The following ZBTB44 variants were observed in gnomAD, a reference collection of about 807,000 sequenced individuals.
ZBTB44 encodes zinc finger and BTB domain-containing protein 44.
A neutral mutation model predicts 54.0 loss-of-function variants in ZBTB44; 15 were observed. The ratio of observed to expected loss-of-function variants is 0.28; its 90% CI spans 0.19 to 0.43. The LOEUF (loss-of-function observed/expected upper bound fraction) is 0.43. Ranked by LOEUF, ZBTB44 falls within the 20% of genes least tolerant of loss-of-function variation. The pLI, the probability that ZBTB44 is intolerant of heterozygous loss-of-function variation, is 1.00. For missense variants in ZBTB44, 487 were observed against 707.1 expected (o/e 0.69, Z 3.53); for synonymous variants, 230 against 250.1 (o/e 0.92, Z 0.76).
chr11:130,263,301 T>C (rs982089736), intron 1 of ZBTB44, among the ~76,000 whole-genome samples: 2 of 152,208 alleles, frequency 1.3e-5, no homozygotes, highest in Non-Finnish European at 2.9e-5. Context: ...AGCCAGGGAC[T>C]GGTCTACGCA....
intron 1 of ZBTB44, among the ~76,000 whole-genome samples, chr11:130,277,411 A>C (rs1940184472): frequency 6.6e-6 from 1 of 152,190 alleles, no homozygotes; most frequent in African/African-American, 2.4e-5. Flanking sequence ...TTATAGTAGC[A>C]TTGTTACAGA....
intron 1 of ZBTB44, among the ~76,000 whole-genome samples, chr11:130,308,912 GGAA>G (rs1367969911): frequency 1.3e-5 from 2 of 152,160 alleles, no homozygotes; most frequent in Non-Finnish European, 2.9e-5. Context: ...CAGGCGGGTG[GGAA>G]AAGGGTACAG....
At chr11:130,269,562 G>A (rs1411257521) in intron 1 of ZBTB44, among the ~76,000 whole-genome samples, 1 of 152,182 alleles carries the variant, frequency 6.6e-6, no homozygotes, top group African/African-American at 2.4e-5. Flanking sequence ...TCTTGTGAAA[G>A]TGGTATGTTG....
chr11:130,283,132 T>C (rs1378130732), intron 1 of ZBTB44, among the ~76,000 whole-genome samples: 4 of 140,142 alleles, frequency 2.9e-5, no homozygotes, highest in Non-Finnish European at 4.6e-5. Context: ...GCAACCTCCA[T>C]CTCCCAGGTT....
intron 1 of ZBTB44, chr11:130,295,628 G>GT: frequency 1.2e-6 from 1 of 806,676 alleles, no homozygotes; most frequent in Non-Finnish European, 2.0e-6. Context: ...AAACTCTGAA[G>GT]TTAAAAAAAA....
intron 1 of ZBTB44, among the ~76,000 whole-genome samples, chr11:130,290,526 CTGCCTT>C (rs1157896692): frequency 4.6e-5 from 7 of 152,242 alleles, no homozygotes; most frequent in East Asian, 1.9e-4. Flanking sequence ...GCCTCTGCCT[CTGCCTT>C]GGACTACTGA....
chr11:130,303,244 A>T (rs1417266944), intron 1 of ZBTB44, among the ~76,000 whole-genome samples: 5 of 152,234 alleles, frequency 3.3e-5, no homozygotes, highest in Non-Finnish European at 5.9e-5. Flanking sequence ...CCAGAGACTC[A>T]CAGTCTTAGT....
At chr11:130,266,280 C>T (rs779206966) in intron 1 of ZBTB44, among the ~76,000 whole-genome samples, 1 of 152,158 alleles carries the variant, frequency 6.6e-6, no homozygotes, top group Non-Finnish European at 1.5e-5. Context: ...GTTTTAAAAG[C>T]CCACTGTTGA....
intron 1 of ZBTB44, among the ~76,000 whole-genome samples, chr11:130,310,817 A>T (rs1442249542): frequency 6.6e-6 from 1 of 152,134 alleles, no homozygotes. Flanking sequence ...ATCTTGGCTC[A>T]CTGCAACCTC....
At chr11:130,248,014 G>A (rs780406797) in intron 2 of ZBTB44, among the ~76,000 whole-genome samples, 12 of 152,160 alleles carry the variant, frequency 7.9e-5, no homozygotes, top group African/African-American at 2.9e-4. Context: ...AAAACAGCAG[G>A]TAAAATCCTA....
intron 1 of ZBTB44, among the ~76,000 whole-genome samples, chr11:130,290,870 T>C (rs1021551826): frequency 3.3e-5 from 5 of 152,214 alleles, no homozygotes; most frequent in African/African-American, 9.6e-5. Context: ...CAGCAACTTA[T>C]ATCCTGATGG....
intron 5 of ZBTB44, 92 bp downstream of exon 5, chr11:130,236,701 C>T (rs1954125139): frequency 1.6e-6 from 2 of 1,249,848 alleles, no homozygotes; most frequent in African/African-American, 1.6e-5. Context: ...TAGCTGGCAA[C>T]CTGATGTAAA....
In ZBTB44 at chr11:130,247,752, A is replaced by C. The variant is rs550159702; in HGVS notation, c.1019-7856T>G. ...AAACATAAGCCAGTGAGAAAAAAAAACCCACGTATTTCATGATCCCACTGA... is the reference window on the plus strand; with the variant it reads ...AAACATAAGCCAGTGAGAAAAAAAACCCCACGTATTTCATGATCCCACTGA... On this transcript the variant is annotated intron_variant, in intron 2 of 7. Coordinates refer to ENST00000357899, the MANE Select transcript of ZBTB44 (RefSeq NM_001301098.2). 1.6e-3 allele frequency among the ~76,000 whole-genome samples: 248 copies of C among 152,332 alleles called. 1 individual carries two copies. Among genetic ancestry groups the C allele is most frequent in the African/African-American group, 4.6e-3 (191 of 41,576 alleles).
chr11:130,311,199 A>G (rs918594441), intron 1 of ZBTB44, among the ~76,000 whole-genome samples: 1 of 152,114 alleles, frequency 6.6e-6, no homozygotes, highest in African/African-American at 2.4e-5. Context: ...AGTGGGAGAA[A>G]GCAAATAAGT....
intron 1 of ZBTB44, among the ~76,000 whole-genome samples, chr11:130,274,034 GC>G (rs1168795349): frequency 7.9e-5 from 12 of 152,050 alleles, no homozygotes; most frequent in Middle Eastern, 3.4e-3. Context: ...GTTTCAGTGA[GC>G]CAAGAGCACA....
chr11:130,242,780 C>A (rs766794000), intron 2 of ZBTB44, among the ~76,000 whole-genome samples: 6 of 152,100 alleles, frequency 3.9e-5, no homozygotes, highest in Non-Finnish European at 8.8e-5. Context: ...TTTCTTTTTA[C>A]TATTCCTGTT....
chr11:130,291,832 A>T (rs1941315178), intron 1 of ZBTB44, among the ~76,000 whole-genome samples: 1 of 152,238 alleles, frequency 6.6e-6, no homozygotes, highest in Non-Finnish European at 1.5e-5. Context: ...CATGTACAAT[A>T]AACTGCATAG....
chr11:130,248,267 CTTTG>C (rs576590250), intron 2 of ZBTB44, among the ~76,000 whole-genome samples: 125 of 152,274 alleles, frequency 8.2e-4, no homozygotes, highest in African/African-American at 3.0e-3. Context: ...TTCTGTATGG[CTTTG>C]TTTTAGTATG....
chr11:130,276,140 C>T (rs537873202), intron 1 of ZBTB44, among the ~76,000 whole-genome samples: 9 of 147,960 alleles, frequency 6.1e-5, no homozygotes, highest in East Asian at 2.1e-4. Context: ...GCAGGAGAAT[C>T]GCTTGAACTC....
Sources: gnomAD v4.1 joint callset for allele counts (sites outside exome capture counted in the v4.1 genomes callset) on GRCh38, gnomAD v4.1.1 for gene constraint, MANE v1.5 for transcripts, NCBI Gene and HGNC (gene_info 2026-07-23, HGNC 2026-07-21) for gene names.